KPNA7: variants seen among roughly 807,000 people sequenced by gnomAD.
KPNA7 encodes karyopherin subunit alpha 7.
A neutral mutation model predicts 53.7 loss-of-function variants in KPNA7; 54 were observed. The observed-to-expected ratio is 1.01, with a 90% CI of 0.81 to 1.26. The LOEUF (loss-of-function observed/expected upper bound fraction) is 1.26. Among genes scored for constraint, KPNA7 ranks in the 50% most tolerant of loss-of-function variants. The probability of loss-of-function intolerance (pLI) is 0.00; values close to 1 mark genes in which losing one functional copy is unlikely to be tolerated. For missense variants in KPNA7, 640 were observed against 644.5 expected, an observed-to-expected ratio of 0.99 and a Z score of 0.07; for synonymous variants, 276 against 259.3, an observed-to-expected ratio of 1.06 and a Z score of -0.62.
chr7:99,178,130 T>A, intron 9 of KPNA7, 64 bp from the exon 10 acceptor site: 1 of 1,475,564 alleles, frequency 6.8e-7, no homozygotes, highest in African/African-American at 1.4e-5. Flanking sequence ...AGGGACTCTG[T>A]CAGCCCTCAA....
intron 8 of KPNA7, among the ~76,000 whole-genome samples, chr7:99,183,573 G>A (rs1032243992): frequency 1.3e-5 from 2 of 152,084 alleles, no homozygotes; most frequent in East Asian, 3.9e-4. Flanking sequence ...GCTATAATTT[G>A]GGCAACACAC....
At chr7:99,187,318 C>A (rs1056756145) in intron 7 of KPNA7, among the ~76,000 whole-genome samples, 2 of 151,912 alleles carry the variant, frequency 1.3e-5, no homozygotes, top group Admixed American at 6.6e-5. Flanking sequence ...CCTAGAAAAG[C>A]AATTAGTAAT....
the KPNA7 span, among the ~76,000 whole-genome samples, chr7:99,151,628 A>C: frequency 6.7e-6 from 1 of 149,842 alleles, no homozygotes; most frequent in African/African-American, 2.5e-5. Context: ...AAAAAAAAAA[A>C]TTTTTTTTTC....
chr7:99,184,084 G>A (rs1184995958), intron 8 of KPNA7, among the ~76,000 whole-genome samples: 4 of 151,736 alleles, frequency 2.6e-5, no homozygotes, highest in African/African-American at 9.7e-5. Flanking sequence ...CCTGATCTCA[G>A]GTGATCCACT....
upstream of KPNA7, among the ~76,000 whole-genome samples, chr7:99,209,505 G>A (rs192684427): frequency 4.6e-3 from 702 of 151,810 alleles, 5 homozygotes; most frequent in Non-Finnish European, 7.6e-3. Context: ...CCAACATGGC[G>A]AAACCCTGTC....
At position 99,181,921 on chromosome 7, in the gene KPNA7, C is replaced by T; in HGVS notation, c.1279G>A (p.Val427Ile). The change falls in exon 9 of 11, where the codon GTT becomes ATT. Residue 427 changes from valine to isoleucine, a missense_variant. Val to Ile is a conservative substitution (Grantham distance 29). Transcript: ENST00000327442. The part of the protein sequence containing the change: ...NLLTAPDVKI[V>I]LIILDVISCI... The stretch of plus-strand genomic sequence containing the variant: ...GAGATGACATCAAGGATGATGAGAA[C>T]AATTTTAACATCTGGGGCAGTGAGC... 1 of 1,550,876 alleles carries T rather than the reference C, an allele frequency of 6.4e-7. No individual in the cohort carries two copies. The highest frequency in any genetic ancestry group is 1.2e-5 in the South Asian group (1 of 83,984).
At chr7:99,213,062 A>T (rs1341236535), upstream of KPNA7, among the ~76,000 whole-genome samples, 1 of 152,098 alleles carries the variant, frequency 6.6e-6, no homozygotes, top group Non-Finnish European at 1.5e-5. Context: ...GAGTTGAGAC[A>T]TAGGGCATTT....
At chr7:99,179,558 AATATAT>A (rs34519884) in intron 9 of KPNA7, among the ~76,000 whole-genome samples, 11 of 150,244 alleles carry the variant, frequency 7.3e-5, no homozygotes, top group Non-Finnish European at 1.5e-4. Context: ...CCTGTTTCAA[AATATAT>A]ATATATATTT....
chr7:99,165,806 TCCTCCA>T, the KPNA7 span, among the ~76,000 whole-genome samples: 2 of 152,096 alleles, frequency 1.3e-5, no homozygotes, highest in African/African-American at 4.8e-5. Context: ...GCTCAAGGGA[TCCTCCA>T]GCTTCAGCTT....
In KPNA7 at chr7:99,188,350, C is replaced by G. The variant is rs528934094; in HGVS notation, c.850G>C (p.Val284Leu). The G allele has an allele frequency of 1.3e-6, 2 of 1,551,392 alleles. No homozygotes were observed. Among genetic ancestry groups the G allele is most frequent in the African/African-American group, 2.7e-5 (2 of 72,964 alleles). ...ATGAGCACTACCAGCCTGGGCAGGA[C>G]CCCCGTGTTAACCACTTGGCCGATG... ...KRIGQVVNTG[V>L]LPRLVVLMTS... The change falls in exon 7 of 11, where the codon GTC (valine) becomes CTC (leucine). Residue 284 changes from valine (V) to leucine (L), a missense_variant. Transcript: ENST00000327442.
At chr7:99,175,618 T>C (rs1176168915) in intron 10 of KPNA7, among the ~76,000 whole-genome samples, 1 of 151,796 alleles carries the variant, frequency 6.6e-6, no homozygotes, top group African/African-American at 2.4e-5. Flanking sequence ...GGGTTCAAGC[T>C]ATTCTCCTGC....
At position 99,182,070 on chromosome 7, in the gene KPNA7, A is replaced by ATG; in HGVS notation, c.1135-6_1135-5insCA. On this transcript the variant is annotated splice_region_variant and splice_polypyrimidine_tract_variant and intron_variant, in intron 8 of 10. Coordinates refer to ENST00000327442, the MANE Select transcript of KPNA7 (RefSeq NM_001145715.3). ...TTTCTGGACTTTAAATTCTCCCTGC[A>ATG]GAACAAGAATGTTTCCATTCTCTAC... 3.9e-6 allele frequency: 6 copies of ATG among 1,524,734 alleles called. No homozygotes were observed. The South Asian group carries it at 7.3e-5, about 19-fold the overall frequency. The allele number at this position is 1,524,734 out of a possible 1,614,324, so 94.5% of individuals were successfully genotyped here.
intron 7 of KPNA7, 122 bp downstream of exon 7, chr7:99,188,178 A>C: frequency 1.2e-6 from 1 of 812,892 alleles, no homozygotes. Flanking sequence ...CTGTCTCAAA[A>C]AAAAAAAAAA....
downstream of KPNA7, among the ~76,000 whole-genome samples, chr7:99,172,985 C>G (rs768581113): frequency 1.7e-4 from 24 of 139,032 alleles, no homozygotes; most frequent in Non-Finnish European, 1.8e-4. Flanking sequence ...TCACTGGAAC[C>G]TGGGAGACGG....
chr7:99,192,737 G>A (rs934718614), intron 6 of KPNA7, among the ~76,000 whole-genome samples: 2 of 152,128 alleles, frequency 1.3e-5, no homozygotes, highest in African/African-American at 4.8e-5. Flanking sequence ...GTTCTAAGAG[G>A]CCAGGCAGCA....
intron 6 of KPNA7, 71 bp downstream of exon 6, chr7:99,192,948 C>T: frequency 9.4e-7 from 1 of 1,065,014 alleles, no homozygotes; most frequent in Admixed American, 2.8e-5. Flanking sequence ...AATGGTGAGG[C>T]TCCATCTCTA....
At chr7:99,205,711 C>T (rs1273526213) in intron 2 of KPNA7, among the ~76,000 whole-genome samples, 4 of 151,738 alleles carry the variant, frequency 2.6e-5, no homozygotes, top group South Asian at 2.1e-4. Flanking sequence ...ATTAGCCAGG[C>T]GTAATTGTGC....
chr7:99,156,772 C>G, the KPNA7 span, among the ~76,000 whole-genome samples: 7 of 152,144 alleles, frequency 4.6e-5, no homozygotes, highest in South Asian at 1.0e-3. Flanking sequence ...TGATCCACCC[C>G]CCTTGGCCTC....
chr7:99,197,532 A>G (rs1414207627), intron 3 of KPNA7, among the ~76,000 whole-genome samples: 1 of 152,224 alleles, frequency 6.6e-6, no homozygotes, highest in Non-Finnish European at 1.5e-5. Context: ...TGAACTAGAC[A>G]AAGATTTTAA....
Sources: allele counts gnomAD v4.1 joint callset (sites outside exome capture counted in the v4.1 genomes callset), GRCh38; gene constraint gnomAD v4.1.1; transcripts MANE v1.5; gene names NCBI Gene and HGNC (gene_info 2026-07-23, HGNC 2026-07-21).